Variants in NPIPB6 observed in about 807,000 individuals in gnomAD.
The protein encoded by NPIPB6 is nuclear pore complex interacting protein family member B6.
In NPIPB6, 2 loss-of-function variants were observed where a neutral mutation model predicts 20.0. The ratio of observed to expected loss-of-function variants is 0.10; its 90% CI spans 0.04 to 0.31. The LOEUF (loss-of-function observed/expected upper bound fraction) is 0.31. NPIPB6 is among the 10% of genes least tolerant of loss of function. The pLI, the probability that NPIPB6 is intolerant of heterozygous loss-of-function variation, is 1.00. For missense variants in NPIPB6, 96 were observed against 293.7 expected (o/e 0.33, Z 4.92); for synonymous variants, 35 against 116.3 (o/e 0.30, Z 4.50).
chr16:28,361,764 GTGTGTA>G (rs753942113), intron 1 of NPIPB6, among the ~76,000 whole-genome samples: 7,204 of 59,992 alleles, frequency 0.12, 204 homozygotes, highest in Non-Finnish European at 0.15. Context: ...GTGTGTGTGT[GTGTGTA>G]TGTGTGTGTG....
intron 4 of NPIPB6, among the ~76,000 whole-genome samples, chr16:28,346,455 C>T (rs376138713): frequency 0.011 from 1,188 of 103,856 alleles, 27 homozygotes; most frequent in East Asian, 0.051. Context: ...CTCTTGTCAT[C>T]GACTTTAAAG....
At chr16:28,361,679 C>T (rs1208439072) in intron 1 of NPIPB6, among the ~76,000 whole-genome samples, 1 of 148,656 alleles carries the variant, frequency 6.7e-6, no homozygotes, top group East Asian at 2.1e-4. Flanking sequence ...CAAGGTTGTG[C>T]CACTGCACTC....
At chr16:28,360,693 G>A (rs574515040) in intron 1 of NPIPB6, among the ~76,000 whole-genome samples, 1 of 137,812 alleles carries the variant, frequency 7.3e-6, no homozygotes, top group Admixed American at 7.5e-5. Context: ...CATGGGATTT[G>A]CTTTGACCCA....
chr16:28,351,886 T>G (rs1250953264), intron 2 of NPIPB6, among the ~76,000 whole-genome samples: 1 of 11,582 alleles, frequency 8.6e-5, no homozygotes, highest in Non-Finnish European at 2.4e-4. Context: ...ATTAGTACTT[T>G]TATCTTGGAT....
intron 1 of NPIPB6, among the ~76,000 whole-genome samples, chr16:28,356,113 C>CA (rs2141625642): frequency 4.1e-5 from 2 of 49,214 alleles, no homozygotes; most frequent in Admixed American, 5.1e-4. Flanking sequence ...GCCTGGGCGA[C>CA]AGAGTGAGAC....
chr16:28,359,159 G>C (rs1292836597), intron 1 of NPIPB6, among the ~76,000 whole-genome samples: 1 of 139,012 alleles, frequency 7.2e-6, no homozygotes, highest in Non-Finnish European at 1.5e-5. Flanking sequence ...AAGTAAGTGG[G>C]GGTTGAAGTC....
At chr16:28,359,938 CCT>C (rs1200871390) in intron 1 of NPIPB6, among the ~76,000 whole-genome samples, 2 of 150,580 alleles carry the variant, frequency 1.3e-5, no homozygotes, top group Admixed American at 6.6e-5. Context: ...CAGACGATGC[CCT>C]GTCCCTTGCC....
In NPIPB6 at chr16:28,347,965, C is replaced by G. The variant is rs1001558142; in HGVS notation, c.599+869G>C. Among the ~76,000 whole-genome samples the G allele has an allele frequency of 1.6e-4, 19 of 118,874 alleles. 1 individual carries two copies. The highest frequency in any genetic ancestry group is 5.5e-4 in the African/African-American group (19 of 34,786). The allele number at this position is 118,874 out of a possible 152,430, so 78.0% of individuals were successfully genotyped here. ...CCTCTACTAAGAATACAAAAATTAT[C>G]CGGGCATGGTGGCATATGCCTGTAG... On this transcript the variant is annotated intron_variant, in intron 4 of 6. Transcript: ENST00000532254.
Position 28,361,732 on chromosome 16 carries a change from G to A in NPIPB6, c.120+971C>T, listed in dbSNP as rs1431482701. Among the ~76,000 whole-genome samples, 42 of 69,744 alleles carry A rather than the reference G, an allele frequency of 6.0e-4. 1 individual carries two copies. Among genetic ancestry groups the A allele is most frequent in the East Asian group, 2.5e-3 (7 of 2,844 alleles). 45.8% of individuals were successfully genotyped at this position (69,744 alleles called of 152,430 possible). A position where few individuals can be genotyped will look rare whatever the true frequency, so the allele number is the denominator to read the frequency against. On this transcript the variant is annotated intron_variant, in intron 1 of 6. Transcript: ENST00000532254. ...TGAAACTCTGTCTCTCTCTCTATAT[G>A]TGTGTGTGTGTGTGTGTGTGTGTGT...
At chr16:28,361,646 G>A (rs1470450713) in intron 1 of NPIPB6, among the ~76,000 whole-genome samples, 33 of 149,066 alleles carry the variant, frequency 2.2e-4, no homozygotes, top group Middle Eastern at 3.4e-3. Context: ...GCTTGAACCC[G>A]GGAGACAGAG....
Position 28,350,024 on chromosome 16 carries a change from C to G in NPIPB6, c.304-783G>C, listed in dbSNP as rs1387675121. On this transcript the variant is annotated intron_variant, in intron 2 of 6. Coordinates refer to ENST00000532254, the Ensembl canonical transcript of NPIPB6. The stretch of plus-strand genomic sequence containing the variant: ...CCATCCTGGGCAACATGGTGAAACC[C>G]CGTCTCTACTAAAAATACAAAAATT... 2.1e-5 allele frequency among the ~76,000 whole-genome samples: 2 copies of G among 97,476 alleles called. 1 individual carries two copies. Among genetic ancestry groups the G allele is most frequent in the Non-Finnish European group, 4.6e-5 (2 of 43,654 alleles). The allele number at this position is 97,476 out of a possible 152,430, so 63.9% of individuals were successfully genotyped here.
chr16:28,361,736 G>A (rs1248583154), intron 1 of NPIPB6, among the ~76,000 whole-genome samples: 1 of 65,342 alleles, frequency 1.5e-5, no homozygotes, highest in Non-Finnish European at 3.4e-5. Flanking sequence ...CTATATGTGT[G>A]TGTGTGTGTG....
chr16:28,349,500 G>A (rs1459649153), intron 2 of NPIPB6, among the ~76,000 whole-genome samples: 1 of 107,416 alleles, frequency 9.3e-6, no homozygotes, highest in African/African-American at 3.2e-5. Flanking sequence ...GCAGTGAGCC[G>A]AGATCACACC....
chr16:28,360,115 A>C (rs1180267212), intron 1 of NPIPB6, among the ~76,000 whole-genome samples: 1 of 134,048 alleles, frequency 7.5e-6, no homozygotes, highest in Non-Finnish European at 1.7e-5. Flanking sequence ...TAGCACAGGA[A>C]AATGCACAGA....
chr16:28,350,154 A>AC (rs1170437677), intron 2 of NPIPB6, among the ~76,000 whole-genome samples: 1 of 102,762 alleles, frequency 9.7e-6, no homozygotes, highest in Non-Finnish European at 2.2e-5. Flanking sequence ...CCAAGATCCC[A>AC]CCACTGCACT....
At position 28,349,546 on chromosome 16, in the gene NPIPB6, GTCACACAC is replaced by G. The variant is rs1192914335; in HGVS notation, c.304-313_304-306del. 6.1e-5 allele frequency among the ~76,000 whole-genome samples: 5 copies of G among 82,064 alleles called. 1 individual carries two copies. The highest frequency in any genetic ancestry group is 2.1e-4 in the African/African-American group (5 of 23,820). 53.8% of individuals were successfully genotyped at this position (82,064 alleles called of 152,430 possible). On this transcript the variant is annotated intron_variant, in intron 2 of 6. Transcript: ENST00000532254. Reference sequence around the variant, plus strand: ...AGCCTGAGCGACAGAATGAGACTCTGTCACACACACACACACACACACACACACACACA... The same window carrying G: ...AGCCTGAGCGACAGAATGAGACTCTGACACACACACACACACACACACACA...
rs1367730520 is a variant in NPIPB6 at position 28,346,192 on chromosome 16, T to C, written c.600-1439A>G. 11 of 810,886 alleles carry C rather than the reference T, an allele frequency of 1.4e-5. 4 individuals are homozygous for C. Among genetic ancestry groups the C allele is most frequent in the Non-Finnish European group, 1.6e-5 (11 of 684,364 alleles). 50.2% of individuals were successfully genotyped at this position (810,886 alleles called of 1,614,324 possible). A position where few individuals can be genotyped will look rare whatever the true frequency, so the allele number is the denominator to read the frequency against. ...AGGTGCACTATGTGTGTCTCTGGGG[T>C]CAATCTTGTGCTTGACACAGCGAAA... On this transcript the variant is annotated intron_variant, in intron 4 of 6. Transcript: ENST00000532254.
intron 2 of NPIPB6, among the ~76,000 whole-genome samples, chr16:28,349,888 T>TAA (rs2045187423): frequency 4.9e-5 from 1 of 20,312 alleles, no homozygotes; most frequent in African/African-American, 2.0e-4. Context: ...AAACTCTGTC[T>TAA]CAAAAAAAAA....
In NPIPB6 at chr16:28,348,237, G is replaced by A. The variant is rs539687877; in HGVS notation, c.599+597C>T. The stretch of plus-strand genomic sequence containing the variant: ...TGCAGTGAGCCAAGATTGCACCATA[G>A]CACTCCAGCCAGGGCGACAGAGCGA... On this transcript the variant is annotated intron_variant, in intron 4 of 6. Transcript: ENST00000532254. Among the ~76,000 whole-genome samples the A allele has an allele frequency of 8.1e-5, 9 of 111,648 alleles. 1 individual carries two copies. The highest frequency in any genetic ancestry group is 2.8e-4 in the African/African-American group (9 of 32,258). The allele number at this position is 111,648 out of a possible 152,430, so 73.2% of individuals were successfully genotyped here. A position where few individuals can be genotyped will look rare whatever the true frequency, so the allele number is the denominator to read the frequency against.
Sources: allele counts gnomAD v4.1 joint callset (sites outside exome capture counted in the v4.1 genomes callset), GRCh38; gene constraint gnomAD v4.1.1; transcripts MANE v1.5; gene names NCBI Gene and HGNC (gene_info 2026-07-23, HGNC 2026-07-21).